Variants in CHRM3 observed in about 807,000 individuals in gnomAD.
CHRM3 encodes muscarinic acetylcholine receptor M3.
CHRM3 carries 11 observed loss-of-function variants against 41.8 expected under a neutral mutation model. That is an observed-to-expected ratio of 0.26 (90% confidence interval 0.17 to 0.44). The LOEUF (loss-of-function observed/expected upper bound fraction) is 0.44. Among genes scored for constraint, CHRM3 ranks in the 20% least tolerant of loss-of-function variants. The pLI, the probability that CHRM3 is intolerant of heterozygous loss-of-function variation, is 1.00. For missense variants in CHRM3, 571 were observed against 745.4 expected (o/e 0.77, Z 2.72); for synonymous variants, 297 against 301.4 (o/e 0.99, Z 0.15).
chr1:239,707,888 C>G (rs1661347119), intron 5 of CHRM3: 1 of 152,152 alleles, frequency 6.6e-6, no homozygotes. Flanking sequence ...AGTATTGGGC[C>G]TTGGCCTTGA....
At chr1:239,709,700 T>G (rs1264304382) in intron 5 of CHRM3, among the ~76,000 whole-genome samples, 1 of 152,196 alleles carries the variant, frequency 6.6e-6, no homozygotes, top group East Asian at 1.9e-4. Context: ...GACAGGTTTT[T>G]GAGAGTTCTT....
At chr1:239,750,038 A>T (rs1665680164) in intron 5 of CHRM3, among the ~76,000 whole-genome samples, 1 of 152,198 alleles carries the variant, frequency 6.6e-6, no homozygotes, top group African/African-American at 2.4e-5. Context: ...TTGGTAACAT[A>T]CTTGTGCTAT....
intron 1 of CHRM3, among the ~76,000 whole-genome samples, chr1:239,489,153 C>T (rs575200346): frequency 3.1e-4 from 47 of 152,276 alleles, no homozygotes; most frequent in African/African-American, 1.1e-3. Context: ...GTGGCTCACG[C>T]CTGTAATCCC....
intron 6 of CHRM3, among the ~76,000 whole-genome samples, chr1:239,894,798 C>A (rs1332624864): frequency 6.6e-6 from 1 of 151,990 alleles, no homozygotes; most frequent in East Asian, 1.9e-4. Context: ...CCTCCTGTTT[C>A]ATTGAATCAC....
Position 239,910,496 on chromosome 1 carries a change from A to G in CHRM3, c.*1272A>G, listed in dbSNP as rs775985154. ...CATTGTGTAACCTTCACCCAGGAAT[A>G]GGTGAGGTTTTAGGAAGTTACATGT... On this transcript the variant is annotated 3_prime_UTR_variant, in exon 7 of 7. Transcript: ENST00000676153. 1.2e-5 allele frequency: 2 copies of G among 166,860 alleles called. No individual in the cohort carries two copies. Among genetic ancestry groups the G allele is most frequent in the Non-Finnish European group, 2.9e-5 (2 of 68,082 alleles). 10.3% of individuals were successfully genotyped at this position (166,860 alleles called of 1,614,324 possible).
intron 2 of CHRM3, among the ~76,000 whole-genome samples, chr1:239,533,136 T>C (rs940810944): frequency 6.6e-6 from 1 of 152,134 alleles, no homozygotes; most frequent in Non-Finnish European, 1.5e-5. Context: ...TAAATTTGTA[T>C]GTGAATACGA....
chr1:239,830,982 T>C (rs1672851858), intron 6 of CHRM3, among the ~76,000 whole-genome samples: 1 of 152,078 alleles, frequency 6.6e-6, no homozygotes, highest in South Asian at 2.1e-4. Context: ...ATTCGCTTTG[T>C]TTGTATTTGG....
intron 1 of CHRM3, among the ~76,000 whole-genome samples, chr1:239,428,732 C>T (rs1375861228): frequency 2.0e-5 from 3 of 152,200 alleles, no homozygotes; most frequent in Non-Finnish European, 4.4e-5. Context: ...CAAACAACTA[C>T]AGCAAAATTT....
intron 1 of CHRM3, among the ~76,000 whole-genome samples, chr1:239,460,407 A>G (rs901008585): frequency 6.6e-6 from 1 of 152,158 alleles, no homozygotes; most frequent in African/African-American, 2.4e-5. Flanking sequence ...TAGGAGATAA[A>G]TTTGCTACCA....
chr1:239,634,436 A>G (rs79470081), intron 4 of CHRM3, among the ~76,000 whole-genome samples: 1 of 151,282 alleles, frequency 6.6e-6, no homozygotes, highest in Non-Finnish European at 1.5e-5. Flanking sequence ...AGAGAAAAAA[A>G]AGAACAGAAA....
intron 5 of CHRM3, among the ~76,000 whole-genome samples, chr1:239,685,745 C>T (rs944615256): frequency 1.1e-4 from 17 of 152,086 alleles, no homozygotes; most frequent in Admixed American, 8.5e-4. Context: ...TTGCTTAAAC[C>T]CAGGAGGCGG....
intron 2 of CHRM3, among the ~76,000 whole-genome samples, chr1:239,528,964 C>G (rs537600732): frequency 6.6e-6 from 1 of 152,248 alleles, no homozygotes; most frequent in South Asian, 2.1e-4. Context: ...TCCAGAATAA[C>G]CCCCGAAAAC....
chr1:239,882,380 G>T (rs1382892567), intron 6 of CHRM3, among the ~76,000 whole-genome samples: 1 of 152,148 alleles, frequency 6.6e-6, no homozygotes, highest in African/African-American at 2.4e-5. Context: ...AATAATAATA[G>T]CAATATTCAT....
At chr1:239,544,855 C>A (rs764839986) in intron 2 of CHRM3, among the ~76,000 whole-genome samples, 3 of 152,160 alleles carry the variant, frequency 2.0e-5, no homozygotes, top group Non-Finnish European at 4.4e-5. Context: ...TTGTAGGACA[C>A]GTAGAGCACA....
At chr1:239,801,124 A>G (rs1572339208) in intron 5 of CHRM3, among the ~76,000 whole-genome samples, 1 of 152,228 alleles carries the variant, frequency 6.6e-6, no homozygotes, top group Non-Finnish European at 1.5e-5. Flanking sequence ...GACTGTTACT[A>G]TAAGCCAGGC....
At chr1:239,885,977 G>A (rs959382007) in intron 6 of CHRM3, 1 of 152,190 alleles carries the variant, frequency 6.6e-6, no homozygotes, top group Non-Finnish European at 1.5e-5. Context: ...CTATTTCTAA[G>A]TGTTGGTGTA....
Position 239,806,417 on chromosome 1 carries a change from T to TACACACAA in CHRM3, c.-146-20828_-146-20827insAACACACA, listed in dbSNP as rs1670651115. On this transcript the variant is annotated intron_variant, in intron 5 of 6. Transcript: ENST00000676153. ...CACCTGTGGACATCCAGGATGGAGTTACACACACACACACACACACACACA... is the reference window on the plus strand; with the variant it reads ...CACCTGTGGACATCCAGGATGGAGTTACACACAAACACACACACACACACACACACACA... 1.4e-5 allele frequency among the ~76,000 whole-genome samples: 2 copies of TACACACAA among 146,030 alleles called. 1 individual carries two copies. Among genetic ancestry groups the TACACACAA allele is most frequent in the East Asian group, 4.1e-4 (2 of 4,856 alleles).
At position 239,498,529 on chromosome 1, in the gene CHRM3, A is replaced by C. The variant is rs1221656784; in HGVS notation, c.-422+5722A>C. On this transcript the variant is annotated intron_variant, in intron 2 of 6. Coordinates refer to ENST00000676153, the MANE Select transcript of CHRM3 (RefSeq NM_001375978.1). ...CGTTCTCAAGGGCAGTTGGATCTAC[A>C]GAAGACCACAACTTTGCTTTATTAA... 2.0e-5 allele frequency among the ~76,000 whole-genome samples: 3 copies of C among 152,298 alleles called. No individual in the cohort carries two copies. In the East Asian group the frequency reaches 5.8e-4, roughly 29 times the overall value.
At chr1:239,813,841 C>T (rs577176120) in intron 5 of CHRM3, among the ~76,000 whole-genome samples, 37 of 135,792 alleles carry the variant, frequency 2.7e-4, no homozygotes, top group Non-Finnish European at 4.0e-4. Context: ...GGCGTGAACC[C>T]GGGAGGCGGA....
Sources: allele counts gnomAD v4.1 joint callset (sites outside exome capture counted in the v4.1 genomes callset), GRCh38; gene constraint gnomAD v4.1.1; transcripts MANE v1.5; gene names NCBI Gene and HGNC (gene_info 2026-07-23, HGNC 2026-07-21).